Variants in LRP5 observed in about 807,000 individuals in gnomAD.
The protein encoded by LRP5 is LDL receptor related protein 5.
LRP5 carries 62 observed loss-of-function variants against 154.1 expected under a neutral mutation model. That is an observed-to-expected ratio of 0.40 (90% CI 0.33 to 0.50). The LOEUF (loss-of-function observed/expected upper bound fraction) is 0.50, where lower values mean the gene tolerates loss of function less well. Among genes scored for constraint, LRP5 ranks in the 20% least tolerant of loss-of-function variants. LRP5 has a pLI of 0.55. For synonymous variants in LRP5, 966 were observed against 1,011.5 expected (o/e 0.96, Z 0.85); for missense variants, 1,915 against 2,336.7 (o/e 0.82, Z 3.72).
intron 1 of LRP5, among the ~76,000 whole-genome samples, chr11:68,346,654 G>A (rs578180973): frequency 6.6e-6 from 1 of 152,210 alleles, no homozygotes. Flanking sequence ...ATCTGCGCAG[G>A]AGGACCCAGG....
intron 19 of LRP5, 42 bp from the exon 20 acceptor site, chr11:68,438,404 T>G: frequency 6.4e-7 from 1 of 1,566,104 alleles, no homozygotes; most frequent in Non-Finnish European, 8.8e-7. Context: ...CCCATTCCGT[T>G]GGGGTTAATG....
At chr11:68,309,803 C>T (rs1489978431), upstream of LRP5, among the ~76,000 whole-genome samples, 1 of 152,146 alleles carries the variant, frequency 6.6e-6, no homozygotes, top group Non-Finnish European at 1.5e-5. Context: ...CACTTGAGTC[C>T]AAGAGGCCCT....
In LRP5 at chr11:68,386,850, T is replaced by C. The variant is rs2098643351; in HGVS notation, c.1412+138T>C. The C allele has an allele frequency of 8.6e-6, 9 of 1,042,304 alleles. No homozygotes were observed. The Admixed American group carries it at 1.9e-4, about 23-fold the overall frequency. 64.6% of individuals were successfully genotyped at this position (1,042,304 alleles called of 1,614,324 possible). A position where few individuals can be genotyped will look rare whatever the true frequency, so the allele number is the denominator to read the frequency against. ...GAGGGCTTGTTAAAACACCGGCAGC[T>C]GGGCCCCACCCCCAGAGCGGTGATT... On this transcript the variant is annotated intron_variant, in intron 6 of 22. Transcript: ENST00000294304. This position sits in a 1 kb window ranked among gnomAD's most constrained non-coding sequence, Gnocchi z 7.9.
Position 68,416,347 on chromosome 11 carries a change from G to A in LRP5, c.2847G>A (p.Leu949=), listed in dbSNP as rs1370181177. 8 of 1,613,986 alleles carry A rather than the reference G, an allele frequency of 5.0e-6. No individual in the cohort carries two copies. The highest frequency in any genetic ancestry group is 2.7e-5 in the African/African-American group (2 of 74,922). Residue 949 remains leucine, a synonymous_variant, in exon 13 of 23, where the codon CTG becomes CTA. Coordinates refer to ENST00000294304, the MANE Select transcript of LRP5 (RefSeq NM_002335.4). ...RNCSPPTTFL[L]FSQKSAISRM... is the part of the protein sequence containing the mutation. ...CTCTAGCGCCCACCACCTTCTTGCT[G>A]TTCAGCCAGAAATCTGCCATCAGTC...
In LRP5 at chr11:68,397,972, T is replaced by TTGTGTGTGTGTGTGTGTGTGTG. The variant is rs113280059; in HGVS notation, c.1585-5495_1585-5474dup. On this transcript the variant is annotated intron_variant, in intron 7 of 22. Transcript: ENST00000294304. ...TTTGGCACTGCAGAGCTGTGTGTGT[T>TTGTGTGTGTGTGTGTGTGTGTG]TGTGTGTGTGTGTGTGTGTGTGTGT... Among the ~76,000 whole-genome samples the TTGTGTGTGTGTGTGTGTGTGTG allele has an allele frequency of 4.0e-3, 562 of 142,174 alleles. 11 individuals are homozygous for TTGTGTGTGTGTGTGTGTGTGTG. Among genetic ancestry groups the TTGTGTGTGTGTGTGTGTGTGTG allele is most frequent in the South Asian group, 9.2e-3 (39 of 4,252 alleles). The allele number at this position is 142,174 out of a possible 152,430, so 93.3% of individuals were successfully genotyped here. A position where few individuals can be genotyped will look rare whatever the true frequency, so the allele number is the denominator to read the frequency against.
chr11:68,357,709 G>T lies in LRP5; in HGVS notation c.548G>T (p.Gly183Val). 1 of 1,614,186 alleles carries T rather than the reference G, an allele frequency of 6.2e-7. No homozygotes were observed. Among genetic ancestry groups the T allele is most frequent in the Non-Finnish European group, 8.5e-7 (1 of 1,180,022 alleles). ...TPRIERAGMD[G>V]STRKIIVDSD... ...CGGATTGAGCGGGCAGGGATGGATG[G>T]CAGCACCCGGAAGATCATTGTGGAC... Residue 183 changes from glycine to valine, a missense_variant, in exon 3 of 23, where the codon GGC becomes GTC. Around this residue, in one of 3 missense-constraint regions of LRP5, gnomAD observed 773 missense variants for 1,100.9 expected, o/e 0.70. Coordinates refer to ENST00000294304, the MANE Select transcript of LRP5 (RefSeq NM_002335.4).
rs188164526 is a variant in LRP5 at position 68,368,452 on chromosome 11, G to A, written c.1015+2750G>A. ...TTGAGGCAGGAGCATGCTGGTGTTG[G>A]GACCGACTTCACGGGCTGTGTGACC... On this transcript the variant is annotated intron_variant, in intron 5 of 22. Transcript: ENST00000294304. Among the ~76,000 whole-genome samples, 142 of 152,364 alleles carry A rather than the reference G, an allele frequency of 9.3e-4. 1 individual carries two copies. The highest frequency in any genetic ancestry group is 3.4e-3 in the African/African-American group (140 of 41,586).
At chr11:68,381,192 G>A (rs1255699884) in intron 5 of LRP5, among the ~76,000 whole-genome samples, 1 of 152,218 alleles carries the variant, frequency 6.6e-6, no homozygotes, top group Non-Finnish European at 1.5e-5. Context: ...TGCCAGGAAG[G>A]ATCCTGCCCT....
At chr11:68,383,051 T>C (rs2098641144) in intron 5 of LRP5, among the ~76,000 whole-genome samples, 1 of 152,104 alleles carries the variant, frequency 6.6e-6, no homozygotes, top group South Asian at 2.1e-4. Context: ...CATATTTTTC[T>C]ATTTTTAGTA....
intron 17 of LRP5, among the ~76,000 whole-genome samples, chr11:68,433,034 C>T (rs149540778): frequency 1.3e-5 from 2 of 152,326 alleles, no homozygotes; most frequent in East Asian, 1.9e-4. Context: ...GCGCCTGGGA[C>T]GTGCTGACAG....
chr11:68,327,685 C>T (rs139023124), intron 1 of LRP5, among the ~76,000 whole-genome samples: 204 of 152,314 alleles, frequency 1.3e-3, no homozygotes, highest in Middle Eastern at 6.8e-3. Flanking sequence ...CCAGAAGCAG[C>T]TCCCACATGA....
intron 3 of LRP5, 70 bp from the exon 4 acceptor site, chr11:68,363,677 A>G: frequency 7.8e-7 from 1 of 1,276,560 alleles, no homozygotes; most frequent in Admixed American, 1.9e-5. Flanking sequence ...AAAGAAATTA[A>G]TTGGGTCAGC....
At chr11:68,325,309 G>T (rs2098599019) in intron 1 of LRP5, among the ~76,000 whole-genome samples, 1 of 152,162 alleles carries the variant, frequency 6.6e-6, no homozygotes, top group South Asian at 2.1e-4. Flanking sequence ...ATGCAGAATT[G>T]GGATCTTGCC....
At chr11:68,407,886 C>T (rs2508834) in intron 9 of LRP5, among the ~76,000 whole-genome samples, 103,984 of 151,924 alleles carry the variant, frequency 0.68, 37,340 homozygotes, top group South Asian at 0.84. Flanking sequence ...CAAAGCGCAT[C>T]TGTTTATGGA....
intron 9 of LRP5, among the ~76,000 whole-genome samples, chr11:68,409,335 G>A (rs56400711): frequency 0.13 from 18,089 of 142,194 alleles, 1,347 homozygotes; most frequent in East Asian, 0.2. Context: ...TATATGTAAT[G>A]TATATTTTTT....
intron 8 of LRP5, 91 bp downstream of exon 8, chr11:68,403,790 CT>C (rs1258737754): frequency 2.0e-6 from 3 of 1,496,000 alleles, no homozygotes; most frequent in Non-Finnish European, 2.8e-6. Context: ...AAGTGTTGAG[CT>C]CAGGTGCCCC....
chr11:68,381,388 G>A lies in LRP5; in HGVS notation c.1016-4928G>A, dbSNP rs538719912. Among the ~76,000 whole-genome samples the A allele has an allele frequency of 1.1e-3, 160 of 152,252 alleles. 1 individual carries two copies. Among genetic ancestry groups the A allele is most frequent in the African/African-American group, 3.8e-3 (158 of 41,542 alleles). On this transcript the variant is annotated intron_variant, in intron 5 of 22. Coordinates refer to ENST00000294304, the MANE Select transcript of LRP5 (RefSeq NM_002335.4). ...GTCGGGGACAGAGGTGGGCAGGGAC[G>A]GACGGTGTCGAGCTGGACATGTCCA... is the stretch of plus-strand genomic sequence containing the variant.
chr11:68,448,822 C>G lies in LRP5; in HGVS notation c.4600C>G (p.Arg1534Gly), dbSNP rs149645175. The change falls in exon 23 of 23, where the codon CGA becomes GGA. Residue 1534 changes from arginine (R) to glycine (G), a missense_variant. Arg to Gly is a moderately radical substitution (Grantham distance 125, BLOSUM62 -2). This residue lies in a region of LRP5 where 1,094 missense variants were observed against 1,210.1 expected (regional missense o/e 0.90). Coordinates refer to ENST00000294304, the MANE Select transcript of LRP5 (RefSeq NM_002335.4). ...TARPYRPYII[R>G]GMAPPTTPCS... Reference sequence around the variant, plus strand: ...TGTCCCTTTCAGGCCCTACATCATTCGAGGAATGGCGCCCCCGACGACGCC... The same window carrying G: ...TGTCCCTTTCAGGCCCTACATCATTGGAGGAATGGCGCCCCCGACGACGCC... 23 of 1,606,726 alleles carry G rather than the reference C, an allele frequency of 1.4e-5. No homozygotes were observed. The African/African-American group carries it at 3.1e-4, about 21-fold the overall frequency.
intron 22 of LRP5, 77 bp from the exon 23 acceptor site, chr11:68,448,732 C>G: frequency 2.5e-6 from 4 of 1,570,012 alleles, no homozygotes; most frequent in Non-Finnish European, 3.5e-6. Flanking sequence ...CTTTCCCGTT[C>G]ACAGCCCCGG....
Sources: gnomAD v4.1 joint callset for allele counts (sites outside exome capture counted in the v4.1 genomes callset) on GRCh38, gnomAD v4.1.1 for gene constraint, gnomAD v4.1.1 regional missense constraint, Gnocchi (gnomAD v3.1) non-coding constraint, MANE v1.5 for transcripts, NCBI Gene and HGNC (gene_info 2026-07-23, HGNC 2026-07-21) for gene names.